Variants in CFAP54 observed in about 807,000 individuals in gnomAD.
The protein encoded by CFAP54 is cilia- and flagella-associated protein 54.
In CFAP54, 290 loss-of-function variants were observed where a neutral mutation model predicts 370.4. The ratio of observed to expected loss-of-function variants is 0.78; its 90% CI spans 0.71 to 0.86. CFAP54 has a LOEUF of 0.86. Among genes scored for constraint, CFAP54 ranks in the 40% least tolerant of loss-of-function variants. The pLI, the probability that CFAP54 is intolerant of heterozygous loss-of-function variation, is 0.00. For missense variants in CFAP54, 3,399 were observed against 3,528.7 expected, an observed-to-expected ratio of 0.96 and a Z score of 0.93; for synonymous variants, 1,206 against 1,236.5, an observed-to-expected ratio of 0.98 and a Z score of 0.52.
chr12:96,735,956 A>T (rs1047165283), intron 50 of CFAP54, among the ~76,000 whole-genome samples: 14 of 152,244 alleles, frequency 9.2e-5, no homozygotes, highest in African/African-American at 3.4e-4. Context: ...AGGAAAAAGG[A>T]AGAATACACT....
chr12:96,819,018 G>C (rs952068721), intron 65 of CFAP54, among the ~76,000 whole-genome samples: 1 of 152,204 alleles, frequency 6.6e-6, no homozygotes, highest in Non-Finnish European at 1.5e-5. Context: ...TTAAAAGATA[G>C]ATGTACATGG....
intron 14 of CFAP54, among the ~76,000 whole-genome samples, chr12:96,543,431 C>T (rs769045964): frequency 1.1e-4 from 16 of 152,110 alleles, no homozygotes; most frequent in East Asian, 5.8e-4. Flanking sequence ...TGTATTTCTA[C>T]GGCTTTTATC....
At chr12:96,503,678 C>T (rs907788516) in intron 2 of CFAP54, among the ~76,000 whole-genome samples, 1 of 152,090 alleles carries the variant, frequency 6.6e-6, no homozygotes, top group Non-Finnish European at 1.5e-5. Context: ...CACATAGGCT[C>T]ATTGTGAGGA....
chr12:96,712,790 C>T (rs1481599455), intron 48 of CFAP54, among the ~76,000 whole-genome samples: 5 of 152,038 alleles, frequency 3.3e-5, no homozygotes, highest in African/African-American at 1.2e-4. Context: ...TCTTTCTGTG[C>T]CTGGCTTATT....
chr12:96,786,722 C>A lies in CFAP54; in HGVS notation c.8503C>A (p.Leu2835Ile). ...SGISLPDDTL[L>I]TSLYNSELIL... ...AATTTCTTTGCCAGATGATACACTT[C>A]TCACATCCCTTTACAACTCTGAGTT... The change falls in exon 62 of 68, where the codon CTC (leucine) becomes ATC (isoleucine). Residue 2835 changes from leucine (L) to isoleucine (I), a missense_variant. Transcript: ENST00000524981. 6.5e-7 allele frequency: 1 copy of A among 1,535,908 alleles called. No individual in the cohort carries two copies. The highest frequency in any genetic ancestry group is 1.2e-5 in the South Asian group (1 of 84,012).
intron 62 of CFAP54, 124 bp from the exon 63 acceptor site, chr12:96,792,205 G>T (rs1263014254): frequency 3.6e-6 from 3 of 824,564 alleles, no homozygotes; most frequent in Non-Finnish European, 5.4e-6. Flanking sequence ...TTAGTTTTAA[G>T]ATTTACCTCC....
intron 66 of CFAP54, among the ~76,000 whole-genome samples, chr12:96,857,933 G>A (rs1959757813): frequency 6.6e-6 from 1 of 152,252 alleles, no homozygotes; most frequent in Middle Eastern, 3.4e-3. Context: ...ACACGTCTTT[G>A]CTATTGTGAA....
In CFAP54 at chr12:96,875,391, T is replaced by C. The variant is rs1960282311; in HGVS notation, c.*288T>C. The C allele has an allele frequency of 6.6e-6, 1 of 152,194 alleles. No individual in the cohort carries two copies. The highest frequency in any genetic ancestry group is 2.4e-5 in the African/African-American group (1 of 41,464). 9.4% of individuals were successfully genotyped at this position (152,194 alleles called of 1,614,324 possible). A position where few individuals can be genotyped will look rare whatever the true frequency, so the allele number is the denominator to read the frequency against. ...TCAGCTCCCAGTAGGGCAGTTTAAC[T>C]CCTATCTTCTCTGTGAGTTCCAGGT... On this transcript the variant is annotated 3_prime_UTR_variant, in exon 68 of 68. Transcript: ENST00000524981.
chr12:96,537,188 G>A (rs984575312), intron 12 of CFAP54, among the ~76,000 whole-genome samples: 48 of 152,142 alleles, frequency 3.2e-4, no homozygotes, highest in Admixed American at 2.5e-3. Context: ...GCAAAGGCAA[G>A]TAACTTGGAT....
intron 32 of CFAP54, among the ~76,000 whole-genome samples, chr12:96,634,694 T>C (rs1956646126): frequency 6.6e-6 from 1 of 152,154 alleles, no homozygotes; most frequent in Non-Finnish European, 1.5e-5. Flanking sequence ...TTTTTTCCCC[T>C]GCTAAGTTTT....
intron 66 of CFAP54, among the ~76,000 whole-genome samples, chr12:96,831,481 T>C (rs1959170945): frequency 6.6e-6 from 1 of 152,190 alleles, no homozygotes; most frequent in South Asian, 2.1e-4. Flanking sequence ...CAGAGTTGGG[T>C]AATTTTGGCA....
chr12:96,661,262 A>G (rs1419054952), intron 38 of CFAP54, among the ~76,000 whole-genome samples: 1 of 152,178 alleles, frequency 6.6e-6, no homozygotes, highest in Non-Finnish European at 1.5e-5. Flanking sequence ...GCCAGCCGTC[A>G]ATCAACTTAT....
At chr12:96,856,199 A>G (rs1390694319) in intron 66 of CFAP54, among the ~76,000 whole-genome samples, 6 of 152,176 alleles carry the variant, frequency 3.9e-5, no homozygotes, top group Non-Finnish European at 7.3e-5. Context: ...CGGCCCCTGA[A>G]GCCATTTTTC....
chr12:96,796,086 T>G (rs915883504), intron 63 of CFAP54, among the ~76,000 whole-genome samples: 2 of 152,194 alleles, frequency 1.3e-5, no homozygotes, highest in Non-Finnish European at 2.9e-5. Context: ...GATGTTTGTT[T>G]GAGGGTGGAC....
intron 66 of CFAP54, among the ~76,000 whole-genome samples, chr12:96,842,567 T>C (rs1003475005): frequency 6.6e-6 from 1 of 152,198 alleles, no homozygotes; most frequent in Non-Finnish European, 1.5e-5. Context: ...CTAAATTCTG[T>C]GGAGAGCCAT....
chr12:96,809,814 T>C (rs1421888261), intron 63 of CFAP54, among the ~76,000 whole-genome samples: 12 of 152,208 alleles, frequency 7.9e-5, no homozygotes, highest in Admixed American at 7.9e-4. Flanking sequence ...GTCTTTTCTC[T>C]TTGACATATC....
Position 96,648,027 on chromosome 12 carries a change from A to G in CFAP54, c.4690+10A>G. On this transcript the variant is annotated intron_variant, in intron 34 of 67. Coordinates refer to ENST00000524981, the MANE Select transcript of CFAP54 (RefSeq NM_001306084.2). ...GCCAACTTACCATCAGGTAAAATAA[A>G]CATGTTAGTTTATTATTAAATTACC... 6.7e-7 allele frequency: 1 copy of G among 1,492,746 alleles called. No homozygotes were observed. The highest frequency in any genetic ancestry group is 8.8e-7 in the Non-Finnish European group (1 of 1,132,006). 92.5% of individuals were successfully genotyped at this position (1,492,746 alleles called of 1,614,324 possible). A position where few individuals can be genotyped will look rare whatever the true frequency, so the allele number is the denominator to read the frequency against.
chr12:96,610,826 A>C (rs1358047338), intron 26 of CFAP54, among the ~76,000 whole-genome samples: 1 of 152,206 alleles, frequency 6.6e-6, no homozygotes, highest in Non-Finnish European at 1.5e-5. Context: ...GCAAGGTGGC[A>C]GCAAGGCTGG....
chr12:96,557,785 T>A (rs1388255977), intron 17 of CFAP54, among the ~76,000 whole-genome samples: 2 of 151,860 alleles, frequency 1.3e-5, no homozygotes, highest in East Asian at 3.9e-4. Flanking sequence ...TCTTAAGGCT[T>A]ATTATATATT....
Sources: gnomAD v4.1 joint callset for allele counts (sites outside exome capture counted in the v4.1 genomes callset) on GRCh38, gnomAD v4.1.1 for gene constraint, MANE v1.5 for transcripts, NCBI Gene and HGNC (gene_info 2026-07-23, HGNC 2026-07-21) for gene names.